Variants in PTPRG observed in about 807,000 individuals in gnomAD.
PTPRG encodes the protein receptor-type tyrosine-protein phosphatase gamma.
A neutral mutation model predicts 165.3 loss-of-function variants in PTPRG; 102 were observed. The ratio of observed to expected loss-of-function variants is 0.62; its 90% CI spans 0.53 to 0.73. The LOEUF is 0.73. Ranked by LOEUF, PTPRG falls within the 30% of genes least tolerant of loss-of-function variation. PTPRG has a pLI of 0.00. For synonymous variants in PTPRG, 675 were observed against 669.5 expected, an observed-to-expected ratio of 1.01 and a Z score of -0.13; for missense variants, 1,866 against 1,861.4, an observed-to-expected ratio of 1.00 and a Z score of -0.05.
Position 62,271,636 on chromosome 3 carries a change from C to T in PTPRG, c.3182+81C>T. 7.7e-7 allele frequency: 1 copy of T among 1,295,116 alleles called. No homozygotes were observed. The highest frequency in any genetic ancestry group is 2.4e-5 in the East Asian group (1 of 41,266). 80.2% of individuals were successfully genotyped at this position (1,295,116 alleles called of 1,614,324 possible). On this transcript the variant is annotated intron_variant, in intron 21 of 29. Coordinates refer to ENST00000474889, the MANE Select transcript of PTPRG (RefSeq NM_002841.4). This position sits in a 1 kb window ranked among gnomAD's most constrained non-coding sequence, Gnocchi z 4.1. ...TGACCTTGGACCACAATGATTGCTA[C>T]TGCTTTCACTTAGAAGCTGAATCTT... is the stretch of plus-strand genomic sequence containing the variant.
At chr3:61,699,065 A>C (rs2030787259) in intron 1 of PTPRG, among the ~76,000 whole-genome samples, 1 of 152,122 alleles carries the variant, frequency 6.6e-6, no homozygotes, top group South Asian at 2.1e-4. Context: ...GATACACCTA[A>C]TGTTAAATCA....
chr3:62,016,108 T>C (rs1406169497), intron 4 of PTPRG, among the ~76,000 whole-genome samples: 3 of 152,228 alleles, frequency 2.0e-5, no homozygotes, highest in East Asian at 1.9e-4. Flanking sequence ...TAGAGTAAAT[T>C]TGAGTTAATA....
At chr3:62,135,577 T>C (rs555037770) in intron 6 of PTPRG, among the ~76,000 whole-genome samples, 196 of 152,298 alleles carry the variant, frequency 1.3e-3, no homozygotes, top group African/African-American at 3.7e-3. Context: ...TCAGCTGAAA[T>C]GTGAAGGAAT....
At chr3:62,139,361 A>G (rs1253241265) in intron 6 of PTPRG, among the ~76,000 whole-genome samples, 1 of 152,164 alleles carries the variant, frequency 6.6e-6, no homozygotes, top group Non-Finnish European at 1.5e-5. Context: ...CGGGAGGCTG[A>G]GGCAGGAGAA....
intron 4 of PTPRG, among the ~76,000 whole-genome samples, chr3:62,067,646 G>C (rs1004292592): frequency 1.3e-5 from 2 of 152,176 alleles, no homozygotes; most frequent in South Asian, 2.1e-4. Context: ...GACAGCGACA[G>C]ATCATCAGGC....
chr3:61,760,788 G>T (rs2033810025), intron 2 of PTPRG, among the ~76,000 whole-genome samples: 1 of 152,136 alleles, frequency 6.6e-6, no homozygotes, highest in African/African-American at 2.4e-5. Context: ...CCCAGTGTGT[G>T]TTGTTCTTTT....
intron 2 of PTPRG, among the ~76,000 whole-genome samples, chr3:61,883,847 G>C (rs1438249358): frequency 6.6e-6 from 1 of 152,110 alleles, no homozygotes; most frequent in Admixed American, 6.5e-5. Flanking sequence ...AAGTAGTTGA[G>C]ACTATAGGCA....
intron 1 of PTPRG, among the ~76,000 whole-genome samples, chr3:61,588,219 T>A (rs1700482277): frequency 6.6e-6 from 1 of 152,114 alleles, no homozygotes; most frequent in South Asian, 2.1e-4. Context: ...AAAGGAGGCA[T>A]GGAGAGCTCG....
chr3:61,728,331 C>T (rs1451466386), intron 1 of PTPRG, among the ~76,000 whole-genome samples: 1 of 152,100 alleles, frequency 6.6e-6, no homozygotes, highest in Non-Finnish European at 1.5e-5. Context: ...TTTGTGATCC[C>T]AACACTTTGG....
intron 4 of PTPRG, among the ~76,000 whole-genome samples, chr3:62,020,829 T>C (rs2041671211): frequency 1.4e-5 from 2 of 142,762 alleles, no homozygotes; most frequent in Admixed American, 1.5e-4. Context: ...TGTGTCACCA[T>C]GCACAGGTTT....
At chr3:61,848,076 C>G (rs2036855537) in intron 2 of PTPRG, among the ~76,000 whole-genome samples, 1 of 152,188 alleles carries the variant, frequency 6.6e-6, no homozygotes, top group African/African-American at 2.4e-5. Context: ...GTTAGGGAAC[C>G]TGGAGCCTTT....
At position 62,292,564 on chromosome 3, in the gene PTPRG, G is replaced by A; in HGVS notation, c.4191+8G>A. 6.2e-7 allele frequency: 1 copy of A among 1,612,268 alleles called. No individual in the cohort carries two copies. Among genetic ancestry groups the A allele is most frequent in the Admixed American group, 1.7e-5 (1 of 59,864 alleles). ...GGAGTATTCACAGACATTGTAAGTAGTTTGCTTATGTGTAAAACCTGTACT... is the reference window on the plus strand; with the variant it reads ...GGAGTATTCACAGACATTGTAAGTAATTTGCTTATGTGTAAAACCTGTACT... On this transcript the variant is annotated splice_region_variant and intron_variant, in intron 29 of 29. Coordinates refer to ENST00000474889, the MANE Select transcript of PTPRG (RefSeq NM_002841.4).
At chr3:61,769,467 C>G (rs2034138811) in intron 2 of PTPRG, 1 of 152,192 alleles carries the variant, frequency 6.6e-6, no homozygotes, top group African/African-American at 2.4e-5. Flanking sequence ...GAGATGGAGT[C>G]TCACTGTGTT....
intron 1 of PTPRG, among the ~76,000 whole-genome samples, chr3:61,586,483 G>A (rs537116767): frequency 2.8e-4 from 42 of 152,258 alleles, no homozygotes; most frequent in African/African-American, 9.9e-4. Flanking sequence ...GATCTCCACA[G>A]GTCACTGATA....
At chr3:62,232,636 A>T (rs1700929983) in intron 14 of PTPRG, among the ~76,000 whole-genome samples, 2 of 152,210 alleles carry the variant, frequency 1.3e-5, no homozygotes, top group Admixed American at 6.5e-5. Flanking sequence ...GTGATGATGT[A>T]GCCTGCCAGA....
chr3:62,188,774 C>G (rs1332535777), intron 8 of PTPRG, among the ~76,000 whole-genome samples: 1 of 152,020 alleles, frequency 6.6e-6, no homozygotes, highest in Non-Finnish European at 1.5e-5. Context: ...GGAATGAATG[C>G]TTTCAGAATG....
chr3:61,615,027 G>C (rs1701265818), intron 1 of PTPRG, among the ~76,000 whole-genome samples: 1 of 152,178 alleles, frequency 6.6e-6, no homozygotes, highest in South Asian at 2.1e-4. Context: ...GGAAAAAATT[G>C]TAACAACATA....
chr3:61,782,896 G>A (rs1396355294), intron 2 of PTPRG, among the ~76,000 whole-genome samples: 1 of 152,070 alleles, frequency 6.6e-6, no homozygotes, highest in East Asian at 1.9e-4. Flanking sequence ...TCAAACTCCT[G>A]GGCTCAAGTG....
intron 1 of PTPRG, among the ~76,000 whole-genome samples, chr3:61,738,304 A>ATG (rs1559583367): frequency 0.37 from 31,027 of 83,918 alleles, 11,285 homozygotes; most frequent in Non-Finnish European, 0.49. Flanking sequence ...ATATATATAT[A>ATG]TATATATACA....
Sources: allele counts gnomAD v4.1 joint callset (sites outside exome capture counted in the v4.1 genomes callset), GRCh38; gene constraint gnomAD v4.1.1; non-coding constraint Gnocchi (gnomAD v3.1); transcripts MANE v1.5; gene names NCBI Gene and HGNC (gene_info 2026-07-23, HGNC 2026-07-21).